The following GNG4 variants were observed in gnomAD, a reference collection of about 807,000 sequenced individuals.
GNG4 encodes guanine nucleotide-binding protein G(I)/G(S)/G(O) subunit gamma-4.
Under a neutral mutation model 5.8 loss-of-function variants are expected in GNG4, and 4 were observed. That is an observed-to-expected ratio of 0.69 (90% confidence interval 0.34 to 1.57). GNG4 has a LOEUF of 1.57. GNG4 is among the 40% of genes most tolerant of loss of function. The pLI is 0.06. For synonymous variants in GNG4, 29 were observed against 32.9 expected (o/e 0.88, Z 0.41); for missense variants, 96 against 95.1 (o/e 1.01, Z -0.04).
intron 1 of GNG4, among the ~76,000 whole-genome samples, chr1:235,626,707 C>T (rs1688818125): frequency 6.6e-6 from 1 of 152,010 alleles, no homozygotes; most frequent in African/African-American, 2.4e-5. Flanking sequence ...GCTTGTGATC[C>T]CAGCACTTTG....
rs144444584 is a variant in GNG4, at chr1:235,606,496, T to C, written c.-122-10985A>G. On this transcript the variant is annotated intron_variant, in intron 1 of 3. Transcript: ENST00000391854. ...GTGAGGGTGGAAGAGCCAGGGGATG[T>C]GGTTAGGATCTGGATGCTGGGGAGG... Among the ~76,000 whole-genome samples the C allele has an allele frequency of 2.6e-3, 398 of 151,688 alleles. 2 individuals are homozygous for C. Among genetic ancestry groups the C allele is most frequent in the Middle Eastern group, 0.017 (5 of 294 alleles).
At chr1:235,606,237 C>A (rs775572892) in intron 1 of GNG4, among the ~76,000 whole-genome samples, 8 of 152,086 alleles carry the variant, frequency 5.3e-5, no homozygotes, top group Non-Finnish European at 8.8e-5. Context: ...AAAAAATTAG[C>A]CAGGCATGGT....
At chr1:235,567,707 T>C (rs1019190818) in intron 3 of GNG4, among the ~76,000 whole-genome samples, 2 of 152,240 alleles carry the variant, frequency 1.3e-5, no homozygotes, top group Non-Finnish European at 2.9e-5. Context: ...TATCCATTTA[T>C]CTGTTGATAG....
At chr1:235,571,047 T>C (rs1018805638) in intron 3 of GNG4, among the ~76,000 whole-genome samples, 1 of 148,544 alleles carries the variant, frequency 6.7e-6, no homozygotes, top group Non-Finnish European at 1.5e-5. Context: ...GCAAACCTCC[T>C]GCCTTGGCCT....
intron 3 of GNG4, among the ~76,000 whole-genome samples, chr1:235,565,051 C>T (rs1039756697): frequency 2.1e-4 from 32 of 152,172 alleles, no homozygotes; most frequent in African/African-American, 7.0e-4. Context: ...ATGCCATCCC[C>T]GTGTGGAAGT....
intron 1 of GNG4, among the ~76,000 whole-genome samples, chr1:235,599,616 G>C (rs967172591): frequency 4.6e-5 from 7 of 152,048 alleles, no homozygotes; most frequent in Admixed American, 4.6e-4. Flanking sequence ...GCACCCAGCC[G>C]AATCTGCGTT....
intron 3 of GNG4, among the ~76,000 whole-genome samples, chr1:235,563,874 A>C (rs1162737504): frequency 6.6e-6 from 1 of 152,188 alleles, no homozygotes; most frequent in Non-Finnish European, 1.5e-5. Context: ...TGGTGATTGC[A>C]GCAGTTCCTT....
chr1:235,646,365 C>T (rs1657511518), intron 1 of GNG4, among the ~76,000 whole-genome samples: 1 of 152,232 alleles, frequency 6.6e-6, no homozygotes, highest in African/African-American at 2.4e-5. Context: ...CCACCACCCA[C>T]CAAACCCGCT....
At chr1:235,606,587 G>A (rs1488662698) in intron 1 of GNG4, among the ~76,000 whole-genome samples, 1 of 152,146 alleles carries the variant, frequency 6.6e-6, no homozygotes, top group Non-Finnish European at 1.5e-5. Context: ...CGCACGCTTA[G>A]GAAAAGAGCA....
chr1:235,613,595 T>C (rs1465677172), intron 1 of GNG4, among the ~76,000 whole-genome samples: 1 of 151,916 alleles, frequency 6.6e-6, no homozygotes, highest in Admixed American at 6.6e-5. Context: ...GGGCCACAAG[T>C]GAAGGGAAGT....
chr1:235,559,084 C>G (rs1419145406), intron 3 of GNG4, among the ~76,000 whole-genome samples: 2 of 152,168 alleles, frequency 1.3e-5, no homozygotes, highest in African/African-American at 4.8e-5. Flanking sequence ...TGCATTTATC[C>G]TTTGCATCTG....
At chr1:235,647,253 A>G (rs549662163) in intron 1 of GNG4, among the ~76,000 whole-genome samples, 7 of 152,220 alleles carry the variant, frequency 4.6e-5, no homozygotes, top group Non-Finnish European at 8.8e-5. Context: ...CCAAATTTTA[A>G]AAAAGGAAAA....
At chr1:235,629,605 T>C (rs1185441380) in intron 1 of GNG4, among the ~76,000 whole-genome samples, 1 of 151,470 alleles carries the variant, frequency 6.6e-6, no homozygotes, top group Non-Finnish European at 1.5e-5. Flanking sequence ...TCTTTCTTTT[T>C]TTTTTTTTTA....
chr1:235,639,566 CAG>C (rs1657252603), intron 1 of GNG4, among the ~76,000 whole-genome samples: 2 of 151,488 alleles, frequency 1.3e-5, no homozygotes, highest in Admixed American at 1.3e-4. Context: ...TTTTCTGAGA[CAG>C]AGTCTTACTC....
At position 235,612,190 on chromosome 1, in the gene GNG4, G is replaced by A. The variant is rs147848907; in HGVS notation, c.-122-16679C>T. Among the ~76,000 whole-genome samples, 244 of 152,040 alleles carry A rather than the reference G, an allele frequency of 1.6e-3. 2 individuals are homozygous for A. Among genetic ancestry groups the A allele is most frequent in the Admixed American group, 3.0e-3 (45 of 15,252 alleles). On this transcript the variant is annotated intron_variant, in intron 1 of 3. Coordinates refer to ENST00000391854, the MANE Select transcript of GNG4 (RefSeq NM_001098722.2). ...CAGCCCCTCTTTAGCCCAGGACAAC[G>A]TCGAAGATTGACTAGACATTCAGAC...
chr1:235,601,879 A>C (rs897079761), intron 1 of GNG4, among the ~76,000 whole-genome samples: 2 of 152,152 alleles, frequency 1.3e-5, no homozygotes, highest in African/African-American at 4.8e-5. Flanking sequence ...CAGTGGCCTG[A>C]GTGGTGCCTC....
chr1:235,622,588 C>T (rs1315680260), intron 1 of GNG4, among the ~76,000 whole-genome samples: 1 of 151,844 alleles, frequency 6.6e-6, no homozygotes, highest in African/African-American at 2.4e-5. Context: ...GGTGGCTCAC[C>T]TGAGGTCAGG....
Position 235,617,998 on chromosome 1 carries a change from G to C in GNG4, c.-122-22487C>G, listed in dbSNP as rs533347469. Among the ~76,000 whole-genome samples the C allele has an allele frequency of 2.0e-5, 3 of 152,148 alleles. No homozygotes were observed. The East Asian group carries it at 5.8e-4, about 29-fold the overall frequency. On this transcript the variant is annotated intron_variant, in intron 1 of 3. Coordinates refer to ENST00000391854, the MANE Select transcript of GNG4 (RefSeq NM_001098722.2). ...TTTCAGACATCTCTGTTAGAAGGCA[G>C]ACTGCACAAACTATCCTCCCCTAGT...
chr1:235,619,808 A>T (rs1392229913), intron 1 of GNG4, among the ~76,000 whole-genome samples: 1 of 152,216 alleles, frequency 6.6e-6, no homozygotes, highest in Non-Finnish European at 1.5e-5. Flanking sequence ...GCTTTCCCTA[A>T]CTCACATCGA....
Sources: gnomAD v4.1 joint callset for allele counts (sites outside exome capture counted in the v4.1 genomes callset) on GRCh38, gnomAD v4.1.1 for gene constraint, MANE v1.5 for transcripts, NCBI Gene and HGNC (gene_info 2026-07-23, HGNC 2026-07-21) for gene names.